Variants in PRR5L observed in about 807,000 individuals in gnomAD.
PRR5L encodes the protein proline rich 5 like.
Under a neutral mutation model 36.4 loss-of-function variants are expected in PRR5L, and 21 were observed. That is an observed-to-expected ratio of 0.58 (90% CI 0.41 to 0.83). The LOEUF is 0.83. PRR5L is among the 40% of genes least tolerant of loss of function. The pLI is 0.00. For synonymous variants in PRR5L, 188 were observed against 197.0 expected, an observed-to-expected ratio of 0.95 and a Z score of 0.38; for missense variants, 381 against 473.3, an observed-to-expected ratio of 0.80 and a Z score of 1.81.
In PRR5L at chr11:36,377,445, G is replaced by C. The variant is rs1857286642; in HGVS notation, c.-125-23552G>C. ...TGCGCGCTTACTGTGCGCGCATGCC[G>C]GGCTCGCTGCACGCAGGGGGCGCTC... On this transcript the variant is annotated intron_variant, in intron 1 of 8. Coordinates refer to ENST00000530639, the MANE Select transcript of PRR5L (RefSeq NM_001160167.2). This position sits in a 1 kb window ranked among gnomAD's most constrained non-coding sequence, Gnocchi z 5.1. 1 of 152,254 alleles carries C rather than the reference G, an allele frequency of 6.6e-6. No homozygotes were observed. The highest frequency in any genetic ancestry group is 6.5e-5 in the Admixed American group (1 of 15,290). 9.4% of individuals were successfully genotyped at this position (152,254 alleles called of 1,614,324 possible).
chr11:36,439,878 T>C (rs1357499432), intron 6 of PRR5L, among the ~76,000 whole-genome samples: 3 of 152,220 alleles, frequency 2.0e-5, no homozygotes, highest in Non-Finnish European at 4.4e-5. Context: ...CTGTTATTTT[T>C]TTTGGAGTAC....
At chr11:36,365,866 G>A (rs1857139164) in intron 1 of PRR5L, among the ~76,000 whole-genome samples, 1 of 152,186 alleles carries the variant, frequency 6.6e-6, no homozygotes, top group Non-Finnish European at 1.5e-5. Context: ...TCTTTGTGAA[G>A]GGCAGCCATC....
intron 1 of PRR5L, among the ~76,000 whole-genome samples, chr11:36,370,168 T>G (rs1177395385): frequency 6.6e-6 from 1 of 152,184 alleles, no homozygotes; most frequent in Non-Finnish European, 1.5e-5. Flanking sequence ...CATAGGGGCT[T>G]GCTTTCTCCT....
Position 36,401,014 on chromosome 11 carries a change from G to A in PRR5L, c.-108G>A. On this transcript the variant is annotated 5_prime_UTR_variant, in exon 2 of 9. Coordinates refer to ENST00000530639, the MANE Select transcript of PRR5L (RefSeq NM_001160167.2). ...CTTTTCAGGTGTTGGCTACGTTTGT[G>A]GTTTTAAGAAAGCCTGAGGGCCTGA... 1 of 1,491,298 alleles carries A rather than the reference G, an allele frequency of 6.7e-7. No homozygotes were observed. Among genetic ancestry groups the A allele is most frequent in the East Asian group, 2.4e-5 (1 of 42,290 alleles). 92.4% of individuals were successfully genotyped at this position (1,491,298 alleles called of 1,614,324 possible).
intron 1 of PRR5L, among the ~76,000 whole-genome samples, chr11:36,388,823 G>T (rs1055582584): frequency 2.0e-5 from 3 of 150,176 alleles, no homozygotes; most frequent in South Asian, 4.2e-4. Flanking sequence ...CTCAGCCTCC[G>T]GAGTAGCTGG....
At position 36,438,795 on chromosome 11, in the gene PRR5L, CA is replaced by C. The variant is rs543135206; in HGVS notation, c.444+1320del. 7.2e-5 allele frequency among the ~76,000 whole-genome samples: 11 copies of C among 152,050 alleles called. No individual in the cohort carries two copies. The South Asian group carries it at 2.3e-3, about 32-fold the overall frequency. ...TCTCTATTAAAAAAAACTAGCCAGG[CA>C]TGGTGGCTTGTGTCTGTAGTCTCAG... On this transcript the variant is annotated intron_variant, in intron 6 of 8. Coordinates refer to ENST00000530639, the MANE Select transcript of PRR5L (RefSeq NM_001160167.2).
At chr11:36,429,401 C>T (rs1024266337) in intron 4 of PRR5L, among the ~76,000 whole-genome samples, 2 of 152,154 alleles carry the variant, frequency 1.3e-5, no homozygotes, top group African/African-American at 2.4e-5. Context: ...GTCCTCACTC[C>T]TAAGGACCTA....
chr11:36,347,229 A>G (rs1340694525), intron 1 of PRR5L, among the ~76,000 whole-genome samples: 2 of 152,188 alleles, frequency 1.3e-5, no homozygotes, highest in Non-Finnish European at 2.9e-5. Flanking sequence ...GTATTGTTTC[A>G]TAATTTCTTT....
intron 1 of PRR5L, among the ~76,000 whole-genome samples, chr11:36,396,417 GC>G (rs1258119653): frequency 6.6e-6 from 1 of 152,260 alleles, no homozygotes; most frequent in East Asian, 1.9e-4. Flanking sequence ...AAGGAGGCAA[GC>G]CTGGGTGCAC....
chr11:36,382,588 C>T (rs556180945), intron 1 of PRR5L, among the ~76,000 whole-genome samples: 3 of 152,164 alleles, frequency 2.0e-5, no homozygotes, highest in South Asian at 2.1e-4. Flanking sequence ...GACTACAATG[C>T]GGGTAGCAGG....
chr11:36,446,464 C>A, intron 7 of PRR5L, 24 bp downstream of exon 7: 1 of 1,611,782 alleles, frequency 6.2e-7, no homozygotes, highest in East Asian at 2.2e-5. Context: ...GGAGACTTGC[C>A]CCAAGGCAGA....
At chr11:36,419,433 T>C in intron 4 of PRR5L, 130 bp downstream of exon 4, 2 of 809,274 alleles carry the variant, frequency 2.5e-6, no homozygotes, top group South Asian at 2.9e-5. Flanking sequence ...GTCCCTGCTG[T>C]GTGCTGCACG....
intron 1 of PRR5L, among the ~76,000 whole-genome samples, chr11:36,309,205 A>G (rs1369681359): frequency 2.0e-5 from 3 of 152,184 alleles, no homozygotes; most frequent in Non-Finnish European, 4.4e-5. Flanking sequence ...GGAGCAGCCT[A>G]AATTCTAAGA....
At chr11:36,317,001 T>G (rs556606118) in intron 1 of PRR5L, among the ~76,000 whole-genome samples, 1 of 152,292 alleles carries the variant, frequency 6.6e-6, no homozygotes, top group Admixed American at 6.5e-5. Context: ...TGTCATAATT[T>G]CCTCAGTTAT....
intron 1 of PRR5L, among the ~76,000 whole-genome samples, chr11:36,331,339 A>G (rs753400713): frequency 1.5e-4 from 23 of 152,202 alleles, no homozygotes; most frequent in South Asian, 6.2e-4. Context: ...AATCAGTTTG[A>G]AGTTAAGAAG....
intron 1 of PRR5L, among the ~76,000 whole-genome samples, chr11:36,364,602 A>G (rs1857125679): frequency 6.6e-6 from 1 of 152,226 alleles, no homozygotes; most frequent in African/African-American, 2.4e-5. Context: ...AATTTTACCT[A>G]TTGCATTATT....
At position 36,446,223 on chromosome 11, in the gene PRR5L, T is replaced by C. The variant is rs566337180; in HGVS notation, c.445-77T>C. On this transcript the variant is annotated intron_variant, in intron 6 of 8. Transcript: ENST00000530639. ...TCTTTGGTGCTATATAAACATGTGT[T>C]GTCTTGAACCCCACATGGTCGGTGG... is the stretch of plus-strand genomic sequence containing the variant. 4.8e-5 allele frequency: 72 copies of C among 1,512,370 alleles called. No individual in the cohort carries two copies. In the East Asian group the frequency reaches 5.7e-4, roughly 12 times the overall value. The allele number at this position is 1,512,370 out of a possible 1,614,324, so 93.7% of individuals were successfully genotyped here.
chr11:36,394,595 C>G (rs1857620162), intron 1 of PRR5L, among the ~76,000 whole-genome samples: 1 of 152,190 alleles, frequency 6.6e-6, no homozygotes, highest in African/African-American at 2.4e-5. Context: ...CTTCTTTTCT[C>G]TTTCAGCTCC....
intron 1 of PRR5L, among the ~76,000 whole-genome samples, chr11:36,392,288 A>G (rs896138135): frequency 2.0e-5 from 3 of 152,206 alleles, no homozygotes; most frequent in Non-Finnish European, 4.4e-5. Context: ...GGGAGTGCAG[A>G]TATCTCCTTT....
Sources: allele counts gnomAD v4.1 joint callset (sites outside exome capture counted in the v4.1 genomes callset), GRCh38; gene constraint gnomAD v4.1.1; non-coding constraint Gnocchi (gnomAD v3.1); transcripts MANE v1.5; gene names NCBI Gene and HGNC (gene_info 2026-07-23, HGNC 2026-07-21).